The following MYH1 variants were observed in gnomAD, a reference collection of about 807,000 sequenced individuals.
MYH1 encodes the protein myosin-1.
In MYH1, 214 loss-of-function variants were observed where a neutral mutation model predicts 225.6. That is an observed-to-expected ratio of 0.95 (90% CI 0.85 to 1.06). The LOEUF is 1.06. MYH1 is among the 50% of genes least tolerant of loss of function. MYH1 has a pLI of 0.00. For synonymous variants in MYH1, 774 were observed against 842.3 expected, an observed-to-expected ratio of 0.92 and a Z score of 1.40; for missense variants, 2,098 against 2,344.2, an observed-to-expected ratio of 0.89 and a Z score of 2.17.
At chr17:10,502,019 T>A in intron 24 of MYH1, 108 bp from the exon 25 acceptor site, 1 of 1,136,378 alleles carries the variant, frequency 8.8e-7, no homozygotes, top group Non-Finnish European at 1.2e-6. Flanking sequence ...TTCTATGAAT[T>A]AGGCAGATTT....
rs758255372 is a variant in MYH1 at position 10,505,502 on chromosome 17, C to T, written c.2184G>A (p.Val728=). The change falls in exon 20 of 40, where the codon GTG becomes GTA. Residue 728 remains valine, a synonymous_variant. Coordinates refer to ENST00000226207, the MANE Select transcript of MYH1 (RefSeq NM_005963.4). The part of the protein sequence containing the change: ...LYADFKQRYK[V]LNASAIPEGQ... ...CTTCAGGGATAGCACTTGCATTTAA[C>T]ACCTTGTATCTGTTTAAGCCAGACA... 2.5e-6 allele frequency: 4 copies of T among 1,614,106 alleles called. No individual in the cohort carries two copies. The South Asian group carries it at 3.3e-5, about 13-fold the overall frequency.
Position 10,509,479 on chromosome 17 carries a change from G to T in MYH1, c.1587+6C>A, listed in dbSNP as rs1212432276. The T allele has an allele frequency of 1.2e-6, 2 of 1,614,080 alleles. No individual in the cohort carries two copies. The highest frequency in any genetic ancestry group is 1.7e-6 in the Non-Finnish European group (2 of 1,180,006). On this transcript the variant is annotated splice_donor_region_variant and intron_variant, in intron 15 of 39. Transcript: ENST00000226207. ...ATGATCTGTGGTCTGCAAAAAGCAA[G>T]CCAACCTTCTCGATGAGCTCGATGC... is the stretch of plus-strand genomic sequence containing the variant.
chr17:10,498,469 C>T (rs370353431), intron 30 of MYH1, among the ~76,000 whole-genome samples, 157 bp downstream of exon 30: 13 of 152,316 alleles, frequency 8.5e-5, no homozygotes, highest in African/African-American at 2.4e-4. Flanking sequence ...CATTTTGCAT[C>T]GAGAACTCCT....
In MYH1 at chr17:10,497,334, G is replaced by C; in HGVS notation, c.4484C>G (p.Ser1495Cys). The change falls in exon 32 of 40, where the codon TCT (serine) becomes TGT (cysteine). Residue 1495 changes from serine (S) to cysteine (C), a missense_variant. Coordinates refer to ENST00000226207, the MANE Select transcript of MYH1 (RefSeq NM_005963.4). ...LFKIKNAYEE[S>C]LDQLETLKRE... Reference sequence around the variant, plus strand: ...TTTCAAGGTTTCAAGTTGGTCTAAAGATTCCTCATAAGCATTCTTAATCTT... The same window carrying C: ...TTTCAAGGTTTCAAGTTGGTCTAAACATTCCTCATAAGCATTCTTAATCTT... The C allele has an allele frequency of 1.2e-6, 2 of 1,612,472 alleles. No individual in the cohort carries two copies. Among genetic ancestry groups the C allele is most frequent in the Non-Finnish European group, 1.7e-6 (2 of 1,179,666 alleles).
Position 10,512,450 on chromosome 17 carries a change from G to A in MYH1, c.1105C>T (p.Gln369Ter), listed in dbSNP as rs1348110877. ...TCAGCTTGCTCCTCACGCTGCTTTTGCTTGAATTTCATGTTCCCATAATGC... is the reference window on the plus strand; with the variant it reads ...TCAGCTTGCTCCTCACGCTGCTTTTACTTGAATTTCATGTTCCCATAATGC... ...VMHYGNMKFKQKQREEQAEPD... is the reference protein window; with the variant it reads ...VMHYGNMKFK The change falls in exon 12 of 40, where the codon CAA becomes TAA. Residue 369 changes from glutamine to a stop codon, truncating the protein, a stop_gained. Transcript: ENST00000226207. LOFTEE classifies it high-confidence loss of function. The A allele has an allele frequency of 1.7e-5, 27 of 1,613,930 alleles. No homozygotes were observed. Among genetic ancestry groups the A allele is most frequent in the Non-Finnish European group, 2.3e-5 (27 of 1,180,012 alleles).
chr17:10,495,023 G>A lies in MYH1; in HGVS notation c.5374C>T (p.Gln1792Ter). The A allele has an allele frequency of 6.2e-7, 1 of 1,614,210 alleles. No homozygotes were observed. The highest frequency in any genetic ancestry group is 8.5e-7 in the Non-Finnish European group (1 of 1,180,046). ...HLERMKKNLE[Q>*]TVKDLQHRLD... is the part of the protein sequence containing the mutation. ...CGATGCTGCAGGTCCTTCACCGTCT[G>A]TTCCAGGTTCTTCTTCATCCGCTCC... Residue 1792 changes from glutamine to a stop codon, truncating the protein, a stop_gained, in exon 37 of 40, where the codon CAG becomes TAG. Coordinates refer to ENST00000226207, the MANE Select transcript of MYH1 (RefSeq NM_005963.4). LOFTEE classifies it high-confidence loss of function.
At chr17:10,497,634 A>G in intron 31 of MYH1, 100 bp downstream of exon 31, 3 of 1,533,798 alleles carry the variant, frequency 2.0e-6, no homozygotes, top group Non-Finnish European at 2.7e-6. Context: ...GTTAAGAGCT[A>G]CTGAGAACAG....
chr17:10,505,675 T>G (rs754741076), intron 19 of MYH1, 137 bp downstream of exon 19: 111 of 1,380,748 alleles, frequency 8.0e-5, no homozygotes, highest in Non-Finnish European at 9.5e-5. Flanking sequence ...CAGAGTTTTC[T>G]TATGTCAATA....
At chr17:10,499,886 T>C (rs2073034378) in intron 28 of MYH1, among the ~76,000 whole-genome samples, 1 of 152,186 alleles carries the variant, frequency 6.6e-6, no homozygotes, top group South Asian at 2.1e-4. Context: ...ATAGCCTAAA[T>C]TACCCATAAA....
rs150506121 is a variant in MYH1 at position 10,514,253 on chromosome 17, G to A, written c.534-129C>T. ...TTTCTTTTCAGCCTACATATAGCTC[G>A]TATTATTTCTTTTGCTTTGCACTGG... On this transcript the variant is annotated intron_variant, in intron 6 of 39. Coordinates refer to ENST00000226207, the MANE Select transcript of MYH1 (RefSeq NM_005963.4). 670 of 1,102,916 alleles carry A rather than the reference G, an allele frequency of 6.1e-4. 2 individuals carry two copies. The African/African-American group carries it at 9.3e-3, about 15-fold the overall frequency. 68.3% of individuals were successfully genotyped at this position (1,102,916 alleles called of 1,614,324 possible).
chr17:10,494,571 GGTAA>G lies in MYH1; in HGVS notation c.5565_5568del (p.Tyr1856LysfsTer23), dbSNP rs753550793. Reference sequence around the variant, plus strand: ...CCTAGACAGGCCATTTTCCTTACTTGGTAAGTGAGTTCCTTCACTTTTCTCTCAT... The same window carrying G: ...CCTAGACAGGCCATTTTCCTTACTTGGTGAGTTCCTTCACTTTTCTCTCAT... On this transcript the variant is annotated frameshift_variant, in exon 38 of 40. Coordinates refer to ENST00000226207, the MANE Select transcript of MYH1 (RefSeq NM_005963.4). LOFTEE classifies it high-confidence loss of function. 8 of 1,613,626 alleles carry G rather than the reference GGTAA, an allele frequency of 5.0e-6. No homozygotes were observed. In the East Asian group the frequency reaches 1.8e-4, roughly 36 times the overall value.
Position 10,500,613 on chromosome 17 carries a change from G to A in MYH1, c.3865+13C>T. On this transcript the variant is annotated intron_variant, in intron 28 of 39. Coordinates refer to ENST00000226207, the MANE Select transcript of MYH1 (RefSeq NM_005963.4). ...AATTTGTCATTCAAGGTCAGTACTG[G>A]TACATGGCCCACCTGATTCTGTTTG... 1 of 1,612,752 alleles carries A rather than the reference G, an allele frequency of 6.2e-7. No individual in the cohort carries two copies.
At chr17:10,492,846 G>GT (rs61147841) in intron 39 of MYH1, among the ~76,000 whole-genome samples, 4,635 of 146,476 alleles carry the variant, frequency 0.032, 201 homozygotes, top group African/African-American at 0.097. Context: ...GTCCAGCTTT[G>GT]TTTTTTTTTT....
chr17:10,516,113 T>C (rs772011724), intron 4 of MYH1, 31 bp from the exon 5 acceptor site: 69 of 1,613,418 alleles, frequency 4.3e-5, no homozygotes, highest in Non-Finnish European at 5.8e-5. Flanking sequence ...AGGAACAGAA[T>C]TATTTGATGG....
chr17:10,514,484 G>A (rs908392754), intron 6 of MYH1, among the ~76,000 whole-genome samples: 1 of 152,174 alleles, frequency 6.6e-6, no homozygotes, highest in African/African-American at 2.4e-5. Flanking sequence ...CTAGAGACAT[G>A]GCTCAAGTTT....
In MYH1 at chr17:10,505,866, C is replaced by T. The variant is rs374217459; in HGVS notation, c.2120G>A (p.Arg707His). The T allele has an allele frequency of 1.9e-4, 312 of 1,613,962 alleles. No homozygotes were observed. Among genetic ancestry groups the T allele is most frequent in the Non-Finnish European group, 2.5e-4 (297 of 1,179,970 alleles). Reference sequence around the variant, plus strand: ...GCTTGGGAAGCCTTTCCTGCAGATGCGGATGCCTTCCAGCACACCGTTACA... The same window carrying T: ...GCTTGGGAAGCCTTTCCTGCAGATGTGGATGCCTTCCAGCACACCGTTACA... ...LRCNGVLEGI[R>H]ICRKGFPSRI... Residue 707 changes from arginine to histidine, a missense_variant, in exon 19 of 40, where the codon CGC becomes CAC. Coordinates refer to ENST00000226207, the MANE Select transcript of MYH1 (RefSeq NM_005963.4).
chr17:10,503,616 T>A (rs1284237169), intron 22 of MYH1, among the ~76,000 whole-genome samples: 3 of 152,054 alleles, frequency 2.0e-5, no homozygotes, highest in African/African-American at 7.2e-5. Context: ...AAGGGTACTA[T>A]CAGAAAAGTG....
At chr17:10,504,677 A>G (rs1263892881) in intron 22 of MYH1, 133 bp downstream of exon 22, 6 of 1,060,504 alleles carry the variant, frequency 5.7e-6, no homozygotes, top group Admixed American at 5.6e-5. Flanking sequence ...ATTCTATAGA[A>G]CATTCTAAGG....
At chr17:10,498,898 C>G in intron 29 of MYH1, 76 bp from the exon 30 acceptor site, 1 of 1,604,172 alleles carries the variant, frequency 6.2e-7, no homozygotes, top group Non-Finnish European at 8.5e-7. Flanking sequence ...TATAGGCCAC[C>G]AGAAGAAAGT....
Sources: allele counts gnomAD v4.1 joint callset (sites outside exome capture counted in the v4.1 genomes callset), GRCh38; gene constraint gnomAD v4.1.1; transcripts MANE v1.5; gene names NCBI Gene and HGNC (gene_info 2026-07-23, HGNC 2026-07-21).